The following DSE variants were observed in gnomAD, a reference collection of about 807,000 sequenced individuals.
The protein encoded by DSE is dermatan sulfate epimerase, also known as dermatan-sulfate epimerase.
DSE carries 36 observed loss-of-function variants against 84.4 expected under a neutral mutation model. The observed-to-expected ratio is 0.43, with a 90% confidence interval of 0.33 to 0.56. The LOEUF is 0.56. Among genes scored for constraint, DSE ranks in the 20% least tolerant of loss-of-function variants. The pLI, the probability that DSE is intolerant of heterozygous loss-of-function variation, is 0.06. For synonymous variants in DSE, 410 were observed against 430.1 expected (o/e 0.95, Z 0.58); for missense variants, 862 against 1,169.6 (o/e 0.74, Z 3.84).
chr6:116,311,731 C>T (rs1374231863), intron 2 of DSE, among the ~76,000 whole-genome samples: 1 of 152,206 alleles, frequency 6.6e-6, no homozygotes, highest in Non-Finnish European at 1.5e-5. Flanking sequence ...ATGCTCTTCT[C>T]CAGATCTTTC....
At chr6:116,405,850 A>C (rs1341964540) in intron 2 of DSE, among the ~76,000 whole-genome samples, 1 of 152,196 alleles carries the variant, frequency 6.6e-6, no homozygotes, top group Non-Finnish European at 1.5e-5. Context: ...TTAGTTGAGC[A>C]GCCCAGTTAC....
intron 2 of DSE, among the ~76,000 whole-genome samples, chr6:116,359,058 CTCTT>C (rs1422821078): frequency 4.6e-5 from 7 of 152,064 alleles, no homozygotes; most frequent in Non-Finnish European, 8.8e-5. Flanking sequence ...TGATCAAATT[CTCTT>C]TCTTTTTTAA....
intron 2 of DSE, among the ~76,000 whole-genome samples, chr6:116,302,927 G>A (rs1018634396): frequency 6.6e-6 from 1 of 152,068 alleles, no homozygotes; most frequent in African/African-American, 2.4e-5. Context: ...GTTTTTGTCA[G>A]GTTTGTCAAA....
chr6:116,341,716 G>T (rs1451376695), intron 2 of DSE, among the ~76,000 whole-genome samples: 1 of 152,204 alleles, frequency 6.6e-6, no homozygotes, highest in East Asian at 1.9e-4. Flanking sequence ...CATTTGGCTA[G>T]CCAGTTTTCC....
chr6:116,401,590 T>C (rs1781597342), intron 2 of DSE, among the ~76,000 whole-genome samples: 1 of 152,192 alleles, frequency 6.6e-6, no homozygotes, highest in South Asian at 2.1e-4. Context: ...TATTAAGTTG[T>C]GTTGTTTAAT....
chr6:116,336,028 G>A (rs1777231739), intron 2 of DSE, among the ~76,000 whole-genome samples: 1 of 152,212 alleles, frequency 6.6e-6, no homozygotes, highest in Non-Finnish European at 1.5e-5. Context: ...AACTGTAACA[G>A]CACTTAGTCA....
At chr6:116,387,405 G>T (rs1780639909) in intron 1 of DSE, among the ~76,000 whole-genome samples, 1 of 152,196 alleles carries the variant, frequency 6.6e-6, no homozygotes, top group Non-Finnish European at 1.5e-5. Flanking sequence ...TAGTGAAGAA[G>T]TTAAGAAAGT....
At chr6:116,429,667 G>GTTATTGTCAACTAAGTGCAACAGTTCTA (rs1583225025) in intron 3 of DSE, among the ~76,000 whole-genome samples, 6 of 86,866 alleles carry the variant, frequency 6.9e-5, no homozygotes, top group African/African-American at 9.9e-5. Flanking sequence ...ATGAGGAGTT[G>GTTATTGTCAACTAAGTGCAACAGTTCTA]GCCGGGCGCG....
In DSE at chr6:116,439,255, T is replaced by A. The variant is rs75538954; in HGVS notation, c.*1910T>A. On this transcript the variant is annotated 3_prime_UTR_variant, in exon 6 of 6. Coordinates refer to ENST00000644252, the MANE Select transcript of DSE (RefSeq NM_013352.4). ...CAGATCCAAACTGAGACATACTTTC[T>A]AACAGAGATGAAAAGTGCAAGTGAG... 1 of 152,328 alleles carries A rather than the reference T, an allele frequency of 6.6e-6. No individual in the cohort carries two copies. Among genetic ancestry groups the A allele is most frequent in the East Asian group, 1.9e-4 (1 of 5,190 alleles). The allele number at this position is 152,328 out of a possible 1,614,324, so 9.4% of individuals were successfully genotyped here. A position where few individuals can be genotyped will look rare whatever the true frequency, so the allele number is the denominator to read the frequency against.
At chr6:116,334,934 G>T (rs1366076960) in intron 2 of DSE, among the ~76,000 whole-genome samples, 1 of 152,178 alleles carries the variant, frequency 6.6e-6, no homozygotes, top group Non-Finnish European at 1.5e-5. Context: ...CACTGTTGGT[G>T]GAAGTGTAAA....
At chr6:116,373,883 G>A (rs1371206213) in intron 1 of DSE, among the ~76,000 whole-genome samples, 1 of 152,082 alleles carries the variant, frequency 6.6e-6, no homozygotes, top group Admixed American at 6.5e-5. Context: ...GGATCACACT[G>A]TGTTGCATGA....
At chr6:116,303,620 G>A (rs1351752416) in intron 2 of DSE, among the ~76,000 whole-genome samples, 1 of 152,132 alleles carries the variant, frequency 6.6e-6, no homozygotes, top group Non-Finnish European at 1.5e-5. Flanking sequence ...CAACAACTCA[G>A]GGCAGGAAAG....
At chr6:116,435,460 T>G in intron 5 of DSE, 127 bp from the exon 6 acceptor site, 1 of 884,864 alleles carries the variant, frequency 1.1e-6, no homozygotes, top group Non-Finnish European at 1.7e-6. Flanking sequence ...TTTAGAATTG[T>G]CCCTAATATA....
intron 2 of DSE, among the ~76,000 whole-genome samples, chr6:116,420,045 G>A (rs78434771): frequency 0.011 from 1,670 of 152,268 alleles, 81 homozygotes; most frequent in Admixed American, 0.09. Flanking sequence ...AAGTTGTTAG[G>A]TTCTGAAAAG....
chr6:116,391,155 G>T (rs928496552), intron 1 of DSE, among the ~76,000 whole-genome samples: 1 of 152,152 alleles, frequency 6.6e-6, no homozygotes, highest in Non-Finnish European at 1.5e-5. Context: ...AAGAAAGTGG[G>T]CTTCACATTA....
chr6:116,256,219 T>G (rs1362992706), intron 1 of DSE: 1 of 152,248 alleles, frequency 6.6e-6, no homozygotes, highest in African/African-American at 2.4e-5. Flanking sequence ...TGACTTTTAC[T>G]ATCCAACTTA....
Position 116,283,839 on chromosome 6 carries a change from C to T in DSE, c.-54+24872C>T, listed in dbSNP as rs1212285303. ...GATTACAGGCATGAGCCACTGCGCCCGGCTAGATTTGGGTAGATTCTTAAC... is the reference window on the plus strand; with the variant it reads ...GATTACAGGCATGAGCCACTGCGCCTGGCTAGATTTGGGTAGATTCTTAAC... On this transcript the variant is annotated intron_variant, in intron 2 of 3. Transcript: ENST00000430252. 3.3e-5 allele frequency among the ~76,000 whole-genome samples: 5 copies of T among 152,100 alleles called. No individual in the cohort carries two copies. In the East Asian group the frequency reaches 7.7e-4, roughly 23 times the overall value.
chr6:116,336,804 T>C (rs1017963080), intron 2 of DSE, among the ~76,000 whole-genome samples: 2 of 152,064 alleles, frequency 1.3e-5, no homozygotes, highest in African/African-American at 4.8e-5. Context: ...ACAATTATAT[T>C]GTGCTCAAAA....
At chr6:116,348,081 C>T (rs1174049029) in intron 2 of DSE, among the ~76,000 whole-genome samples, 1 of 152,162 alleles carries the variant, frequency 6.6e-6, no homozygotes, top group East Asian at 1.9e-4. Context: ...AAATGCAAAT[C>T]AAAACCACAA....
Sources: allele counts gnomAD v4.1 joint callset (sites outside exome capture counted in the v4.1 genomes callset), GRCh38; gene constraint gnomAD v4.1.1; transcripts MANE v1.5; gene names NCBI Gene and HGNC (gene_info 2026-07-23, HGNC 2026-07-21).